The following TDRD7 variants were observed in gnomAD, a reference collection of about 807,000 sequenced individuals.
TDRD7 encodes tudor domain containing 7.
In TDRD7, 47 loss-of-function variants were observed where a neutral mutation model predicts 109.8. The ratio of observed to expected loss-of-function variants is 0.43; its 90% CI spans 0.34 to 0.55. TDRD7 has a LOEUF of 0.55. Among genes scored for constraint, TDRD7 ranks in the 20% least tolerant of loss-of-function variants. The pLI is 0.03. For synonymous variants in TDRD7, 424 were observed against 457.3 expected, an observed-to-expected ratio of 0.93 and a Z score of 0.93; for missense variants, 1,164 against 1,319.2, an observed-to-expected ratio of 0.88 and a Z score of 1.82.
At chr9:97,443,698 T>A (rs2118380291) in intron 6 of TDRD7, among the ~76,000 whole-genome samples, 1 of 152,364 alleles carries the variant, frequency 6.6e-6, no homozygotes. Flanking sequence ...TTTAAATCCA[T>A]AGAACTTTAT....
chr9:97,487,274 G>C lies in TDRD7; in HGVS notation c.3018G>C (p.Gln1006His), dbSNP rs1359139915. ...KHELVNIRKV[Q>H]PLVDMFRKLP... Reference sequence around the variant, plus strand: ...AATTAGTCAACATAAGAAAAGTACAGCCCCTAGTGGACATGTTCCGAAAGC... The same window carrying C: ...AATTAGTCAACATAAGAAAAGTACACCCCCTAGTGGACATGTTCCGAAAGC... The change falls in exon 16 of 17, where the codon CAG becomes CAC. Residue 1006 changes from glutamine to histidine, a missense_variant. Physicochemically the swap from Gln to His is conservative, Grantham distance 24. Around this residue, in one of 5 missense-constraint regions of TDRD7, gnomAD observed 162 missense variants for 222.5 expected, o/e 0.73. Coordinates refer to ENST00000355295, the MANE Select transcript of TDRD7 (RefSeq NM_014290.3). The C allele has an allele frequency of 6.2e-7, 1 of 1,613,862 alleles. No individual in the cohort carries two copies. The highest frequency in any genetic ancestry group is 1.3e-5 in the African/African-American group (1 of 74,888).
chr9:97,448,008 A>T (rs534517605), intron 6 of TDRD7, among the ~76,000 whole-genome samples: 4 of 152,232 alleles, frequency 2.6e-5, no homozygotes, highest in Admixed American at 6.5e-5. Context: ...TTGACCTTGA[A>T]GTACATGGAG....
Position 97,472,480 on chromosome 9 carries a change from A to G in TDRD7, c.1929A>G (p.Leu643=), listed in dbSNP as rs776631660. 3.7e-6 allele frequency: 6 copies of G among 1,613,552 alleles called. No homozygotes were observed. The African/African-American group carries it at 8.0e-5, about 22-fold the overall frequency. The change falls in exon 10 of 17, where the codon CTA becomes CTG. Residue 643 remains leucine (L), a synonymous_variant. Transcript: ENST00000355295. The part of the protein sequence containing the change: ...TCLKAICDKS[L]EVHLQVDAMY... ...TGAAGGCTATATGTGACAAGTCACT[A>G]GAGGTTCACCTGCAGGTACCACTGT...
intron 7 of TDRD7, among the ~76,000 whole-genome samples, chr9:97,461,154 A>G (rs1216117322): frequency 6.6e-6 from 1 of 152,030 alleles, no homozygotes; most frequent in African/African-American, 2.4e-5. Context: ...AAAAAAAAAA[A>G]GGATAACATA....
intron 1 of TDRD7, among the ~76,000 whole-genome samples, chr9:97,422,169 G>A (rs1306520703): frequency 6.6e-6 from 1 of 152,104 alleles, no homozygotes; most frequent in Non-Finnish European, 1.5e-5. Flanking sequence ...GAAGTGGGTG[G>A]ATCACTTGAG....
chr9:97,436,136 T>G (rs531390916), intron 4 of TDRD7, among the ~76,000 whole-genome samples: 1 of 152,230 alleles, frequency 6.6e-6, no homozygotes, highest in South Asian at 2.1e-4. Context: ...TTAGTAGAGA[T>G]AAAATGTGTG....
intron 15 of TDRD7, among the ~76,000 whole-genome samples, chr9:97,484,973 A>G (rs1829187776): frequency 6.6e-6 from 1 of 152,226 alleles, no homozygotes; most frequent in Admixed American, 6.5e-5. Flanking sequence ...ATTCTGCCCC[A>G]GGACTCTTGG....
chr9:97,477,583 A>G (rs1484899796), intron 12 of TDRD7, among the ~76,000 whole-genome samples: 3 of 152,122 alleles, frequency 2.0e-5, no homozygotes, highest in Admixed American at 6.5e-5. Context: ...CAAATTGTAT[A>G]TTGTCTACCT....
Position 97,460,548 on chromosome 9 carries a change from C to T in TDRD7, c.1226C>T (p.Pro409Leu). 3 of 1,614,164 alleles carry T rather than the reference C, an allele frequency of 1.9e-6. No homozygotes were observed. Among genetic ancestry groups the T allele is most frequent in the Middle Eastern group, 1.6e-4 (1 of 6,062 alleles). ...ATTCTCTATGCTAAACTTCCATTGC[C>T]CACTGACAAAATCCAAAAGGATGCA... ...KAILYAKLPL[P>L]TDKIQKDAGQ... Residue 409 changes from proline (P) to leucine (L), a missense_variant, in exon 7 of 17, where the codon CCC becomes CTC. Transcript: ENST00000355295.
chr9:97,450,233 G>A (rs1396194561), intron 6 of TDRD7, among the ~76,000 whole-genome samples: 1 of 152,098 alleles, frequency 6.6e-6, no homozygotes. Flanking sequence ...TTGGACTGAT[G>A]GATTTTTTGG....
Position 97,483,340 on chromosome 9 carries a change from A to G in TDRD7, c.2904A>G (p.Lys968=). The change falls in exon 15 of 17, where the codon AAA becomes AAG. Residue 968 remains lysine (K), a synonymous_variant. Coordinates refer to ENST00000355295, the MANE Select transcript of TDRD7 (RefSeq NM_014290.3). ...AVEKDQVYAA[K]VENKWHRVLL... ...AGAAAGACCAAGTGTATGCTGCAAA[A>G]GTGGAAAATAAGTAGGTCCTTGGAC... The G allele has an allele frequency of 6.2e-7, 1 of 1,613,984 alleles. No individual in the cohort carries two copies. The highest frequency in any genetic ancestry group is 2.2e-5 in the East Asian group (1 of 44,886).
intron 8 of TDRD7, among the ~76,000 whole-genome samples, chr9:97,465,626 G>A (rs947346183): frequency 4.6e-5 from 7 of 152,238 alleles, no homozygotes; most frequent in African/African-American, 1.4e-4. Context: ...CCCTGAGAGC[G>A]GTAGTGTCTC....
intron 6 of TDRD7, among the ~76,000 whole-genome samples, chr9:97,442,095 ATTTTG>A (rs1325149586): frequency 6.6e-6 from 1 of 152,206 alleles, no homozygotes; most frequent in African/African-American, 2.4e-5. Context: ...ATTTTTATAT[ATTTTG>A]TTTTATGTCA....
chr9:97,481,046 C>T, intron 14 of TDRD7, 108 bp downstream of exon 14: 2 of 865,240 alleles, frequency 2.3e-6, no homozygotes, highest in Non-Finnish European at 4.0e-6. Flanking sequence ...TGGATGCTTC[C>T]ACATCCAACA....
At chr9:97,463,019 A>T (rs550669660) in intron 7 of TDRD7, among the ~76,000 whole-genome samples, 1 of 152,390 alleles carries the variant, frequency 6.6e-6, no homozygotes, top group Admixed American at 6.5e-5. Flanking sequence ...GGTCCCAGCA[A>T]ATGGGCAGTC....
At chr9:97,413,593 A>G (rs1827761067) in intron 1 of TDRD7, among the ~76,000 whole-genome samples, 1 of 152,230 alleles carries the variant, frequency 6.6e-6, no homozygotes, top group East Asian at 1.9e-4. Context: ...AAATGGGCAC[A>G]TGGTGGATAT....
At chr9:97,470,211 A>T (rs1828887347) in intron 8 of TDRD7, among the ~76,000 whole-genome samples, 1 of 152,228 alleles carries the variant, frequency 6.6e-6, no homozygotes, top group African/African-American at 2.4e-5. Flanking sequence ...TATGATATTA[A>T]TGAAAGCACC....
intron 1 of TDRD7, among the ~76,000 whole-genome samples, chr9:97,424,392 TC>T (rs1827951792): frequency 6.6e-6 from 1 of 152,094 alleles, no homozygotes; most frequent in African/African-American, 2.4e-5. Context: ...ATTTTTTTGA[TC>T]TACTGGTTCT....
intron 2 of TDRD7, among the ~76,000 whole-genome samples, chr9:97,429,596 T>G (rs1043848408): frequency 6.6e-6 from 1 of 152,164 alleles, no homozygotes; most frequent in East Asian, 1.9e-4. Flanking sequence ...AGTTAATAAT[T>G]TTCCTAAGGA....
Sources: allele counts gnomAD v4.1 joint callset (sites outside exome capture counted in the v4.1 genomes callset), GRCh38; gene constraint gnomAD v4.1.1; regional missense constraint gnomAD v4.1.1; transcripts MANE v1.5; gene names NCBI Gene and HGNC (gene_info 2026-07-23, HGNC 2026-07-21).